Variants in NALCN observed in about 807,000 individuals in gnomAD.
NALCN encodes the protein sodium leak channel, non-selective, also known as sodium leak channel NALCN.
In NALCN, 111 loss-of-function variants were observed where a neutral mutation model predicts 225.3. The ratio of observed to expected loss-of-function variants is 0.49; its 90% confidence interval spans 0.42 to 0.58. The LOEUF is 0.58. Among genes scored for constraint, NALCN ranks in the 20% least tolerant of loss-of-function variants. The pLI is 0.00. For synonymous variants in NALCN, 764 were observed against 769.0 expected (o/e 0.99, Z 0.11); for missense variants, 1,378 against 2,202.4 (o/e 0.63, Z 7.49).
rs372843486 is a variant in NALCN, at chr13:101,057,967, C to T, written c.4995G>A (p.Arg1665=). ...AGGGCAGACGCCACTGCCCAAATTT[C>T]CTCTGGGGTTTCCCTGCGTCGGCTG... is the stretch of plus-strand genomic sequence containing the variant. The part of the protein sequence containing the change: ...QDAADAGKPQ[R]KFGQWRLPSA... Residue 1665 remains arginine (R), a synonymous_variant, in exon 43 of 44, where the codon AGG becomes AGA. Coordinates refer to ENST00000251127, the MANE Select transcript of NALCN (RefSeq NM_052867.4). 1.4e-5 allele frequency: 22 copies of T among 1,613,868 alleles called. No individual in the cohort carries two copies. In the African/African-American group the frequency reaches 2.7e-4, roughly 20 times the overall value.
At chr13:101,333,887 T>G (rs1450767112) in intron 7 of NALCN, among the ~76,000 whole-genome samples, 35 of 152,186 alleles carry the variant, frequency 2.3e-4, no homozygotes, top group Non-Finnish European at 2.4e-4. Context: ...GTATCTGGCT[T>G]AACAGAGAAG....
chr13:101,100,446 G>T (rs1215048934), intron 27 of NALCN, among the ~76,000 whole-genome samples: 3 of 152,332 alleles, frequency 2.0e-5, no homozygotes, highest in East Asian at 1.9e-4. Context: ...CTAGCCAGAA[G>T]AGACATATCA....
At chr13:101,135,150 G>C (rs925639152) in intron 17 of NALCN, among the ~76,000 whole-genome samples, 10 of 152,326 alleles carry the variant, frequency 6.6e-5, no homozygotes, top group Non-Finnish European at 1.3e-4. Flanking sequence ...AGCCGAGATC[G>C]TGCCGCTGCA....
At chr13:101,159,949 G>T (rs202178362) in intron 15 of NALCN, among the ~76,000 whole-genome samples, 32 of 119,388 alleles carry the variant, frequency 2.7e-4, no homozygotes, top group Non-Finnish European at 5.3e-4. Context: ...GTTATTTTTT[G>T]TTATTTTTAT....
At chr13:101,215,388 A>G (rs187663251) in intron 13 of NALCN, among the ~76,000 whole-genome samples, 1 of 152,282 alleles carries the variant, frequency 6.6e-6, no homozygotes, top group Admixed American at 6.5e-5. Context: ...TTGATGTGTA[A>G]CAAATTACCA....
chr13:101,330,088 CAT>C (rs911281042), intron 7 of NALCN, among the ~76,000 whole-genome samples: 2 of 149,740 alleles, frequency 1.3e-5, no homozygotes, highest in East Asian at 1.9e-4. Flanking sequence ...TTATTAGCAG[CAT>C]ATATATATAT....
chr13:101,221,854 T>C (rs959531269), intron 13 of NALCN, among the ~76,000 whole-genome samples: 1 of 152,204 alleles, frequency 6.6e-6, no homozygotes, highest in African/African-American at 2.4e-5. Flanking sequence ...AGGGACTTAC[T>C]TTCCTTCCTT....
chr13:101,330,199 AGAGT>A (rs1331934153), intron 7 of NALCN, among the ~76,000 whole-genome samples: 1 of 152,124 alleles, frequency 6.6e-6, no homozygotes, highest in Non-Finnish European at 1.5e-5. Context: ...TAGATAAAAG[AGAGT>A]AAGTTTTGAA....
chr13:101,143,315 A>T, intron 16 of NALCN, 94 bp from the exon 17 acceptor site: 3 of 1,299,798 alleles, frequency 2.3e-6, no homozygotes, highest in Non-Finnish European at 3.1e-6. Context: ...AGCAAAGATA[A>T]AGCAGTGATA....
In NALCN at chr13:101,104,983, C is replaced by G; in HGVS notation, c.2580-33G>C. On this transcript the variant is annotated intron_variant, in intron 22 of 43. Coordinates refer to ENST00000251127, the MANE Select transcript of NALCN (RefSeq NM_052867.4). This position sits in a 1 kb window ranked among gnomAD's most constrained non-coding sequence, Gnocchi z 4.2. ...AGAACACATATATAAAATTCTGCAA[C>G]AAAGCAAGCATGTTTTAACTTGCTA... is the stretch of plus-strand genomic sequence containing the variant. The G allele has an allele frequency of 6.3e-7, 1 of 1,589,074 alleles. No individual in the cohort carries two copies. Among genetic ancestry groups the G allele is most frequent in the East Asian group, 2.2e-5 (1 of 44,616 alleles).
chr13:101,188,409 A>G (rs1311977895), intron 14 of NALCN, among the ~76,000 whole-genome samples: 1 of 152,162 alleles, frequency 6.6e-6, no homozygotes, highest in Non-Finnish European at 1.5e-5. Flanking sequence ...GGAGAGAAGT[A>G]TGTATTACCA....
At chr13:101,121,372 C>G (rs1316318100) in intron 18 of NALCN, among the ~76,000 whole-genome samples, 1 of 152,120 alleles carries the variant, frequency 6.6e-6, no homozygotes, top group African/African-American at 2.4e-5. Flanking sequence ...TCTCAAGACG[C>G]TAATATTTCA....
intron 14 of NALCN, among the ~76,000 whole-genome samples, chr13:101,191,290 T>G (rs1566408789): frequency 6.6e-6 from 1 of 152,046 alleles, no homozygotes; most frequent in Non-Finnish European, 1.5e-5. Flanking sequence ...TCATAACATT[T>G]TTTCTTTGTT....
At chr13:101,366,183 C>A (rs2046372778) in intron 6 of NALCN, among the ~76,000 whole-genome samples, 1 of 152,152 alleles carries the variant, frequency 6.6e-6, no homozygotes, top group Admixed American at 6.6e-5. Context: ...AGTCAAATCT[C>A]ATTACTCTTT....
At chr13:101,200,136 T>G (rs2040058801) in intron 13 of NALCN, among the ~76,000 whole-genome samples, 1 of 152,106 alleles carries the variant, frequency 6.6e-6, no homozygotes, top group African/African-American at 2.4e-5. Flanking sequence ...CAACTCCACA[T>G]TTTTACTTGG....
At chr13:101,177,424 T>C (rs1417152202) in intron 14 of NALCN, among the ~76,000 whole-genome samples, 1 of 142,484 alleles carries the variant, frequency 7.0e-6, no homozygotes, top group African/African-American at 2.5e-5. Context: ...TATATATATA[T>C]ATATATATGG....
intron 15 of NALCN, among the ~76,000 whole-genome samples, chr13:101,165,261 G>A (rs1360034081): frequency 6.6e-6 from 1 of 152,174 alleles, no homozygotes; most frequent in Non-Finnish European, 1.5e-5. Context: ...TGAGGCGTTT[G>A]AGGAAAAGGT....
At chr13:101,129,733 T>A (rs951270762) in intron 17 of NALCN, among the ~76,000 whole-genome samples, 1 of 117,512 alleles carries the variant, frequency 8.5e-6, no homozygotes, top group Non-Finnish European at 1.8e-5. Context: ...TTTTTTTTTT[T>A]AGTTATACTT....
chr13:101,259,391 T>C (rs549894609), intron 10 of NALCN, among the ~76,000 whole-genome samples: 19 of 152,170 alleles, frequency 1.2e-4, no homozygotes, highest in African/African-American at 3.9e-4. Flanking sequence ...TAGAGTGCAG[T>C]GGCGTGATCT....
Sources: allele counts gnomAD v4.1 joint callset (sites outside exome capture counted in the v4.1 genomes callset), GRCh38; gene constraint gnomAD v4.1.1; non-coding constraint Gnocchi (gnomAD v3.1); transcripts MANE v1.5; gene names NCBI Gene and HGNC (gene_info 2026-07-23, HGNC 2026-07-21).